DPP6: variants seen among roughly 807,000 people sequenced by gnomAD.
DPP6 encodes the protein A-type potassium channel modulatory protein DPP6.
Under a neutral mutation model 122.6 loss-of-function variants are expected in DPP6, and 69 were observed. The ratio of observed to expected loss-of-function variants is 0.56; its 90% CI spans 0.46 to 0.69. The LOEUF is 0.69. Ranked by LOEUF, DPP6 falls within the 30% of genes least tolerant of loss-of-function variation. DPP6 has a pLI of 0.00. For synonymous variants in DPP6, 418 were observed against 433.1 expected (o/e 0.97, Z 0.43); for missense variants, 928 against 1,116.9 (o/e 0.83, Z 2.41).
At chr7:154,802,797 A>G (rs1175074808) in intron 13 of DPP6, among the ~76,000 whole-genome samples, 6 of 150,612 alleles carry the variant, frequency 4.0e-5, no homozygotes, top group Non-Finnish European at 7.4e-5. Flanking sequence ...AGATCGTGCC[A>G]CTGCACTCCA....
the DPP6 span, among the ~76,000 whole-genome samples, chr7:153,854,354 T>C: frequency 6.6e-6 from 1 of 152,060 alleles, no homozygotes; most frequent in Non-Finnish European, 1.5e-5. Flanking sequence ...AAAGGGCTAA[T>C]ATCCAGAATC....
intron 1 of DPP6, among the ~76,000 whole-genome samples, chr7:154,012,133 A>G (rs1014023049): frequency 1.3e-5 from 2 of 152,224 alleles, no homozygotes; most frequent in Non-Finnish European, 2.9e-5. Context: ...CAAAGAAGAC[A>G]CTATTAGAGC....
At chr7:154,628,785 C>A (rs1835237227) in intron 5 of DPP6, among the ~76,000 whole-genome samples, 1 of 152,164 alleles carries the variant, frequency 6.6e-6, no homozygotes, top group South Asian at 2.1e-4. Context: ...AGCACAGCAG[C>A]TGCTACATCG....
intron 17 of DPP6, among the ~76,000 whole-genome samples, chr7:154,859,555 C>G (rs190810704): frequency 3.3e-5 from 5 of 152,368 alleles, no homozygotes; most frequent in East Asian, 3.9e-4. Context: ...TCCTCTCCCC[C>G]ACTGACCCCA....
intron 1 of DPP6, among the ~76,000 whole-genome samples, chr7:154,006,008 G>T (rs933839509): frequency 1.3e-5 from 2 of 152,150 alleles, no homozygotes; most frequent in African/African-American, 2.4e-5. Context: ...TGGAGTCTTG[G>T]TGAGGCTGTT....
intron 1 of DPP6, chr7:154,059,680 A>G (rs1056340006): frequency 6.7e-6 from 1 of 150,096 alleles, no homozygotes; most frequent in Admixed American, 6.6e-5. Flanking sequence ...TTCATGAGTT[A>G]CAAGAAAATC....
At chr7:154,396,698 C>A (rs1815117810) in intron 1 of DPP6, among the ~76,000 whole-genome samples, 1 of 152,238 alleles carries the variant, frequency 6.6e-6, no homozygotes, top group South Asian at 2.1e-4. Context: ...CAGTGGCTCA[C>A]TTTGGGAGGC....
At chr7:154,597,057 A>T (rs1237407732) in intron 5 of DPP6, among the ~76,000 whole-genome samples, 1 of 152,168 alleles carries the variant, frequency 6.6e-6, no homozygotes, top group Non-Finnish European at 1.5e-5. Flanking sequence ...TTTGAGGCAG[A>T]GGGAAGAACT....
chr7:154,066,612 A>G (rs1802747214), intron 1 of DPP6, among the ~76,000 whole-genome samples: 1 of 152,062 alleles, frequency 6.6e-6, no homozygotes, highest in Admixed American at 6.6e-5. Flanking sequence ...CAAGGGTGCT[A>G]GAGTTTGGCA....
chr7:154,465,403 A>G (rs1821695616), intron 2 of DPP6, among the ~76,000 whole-genome samples: 5 of 152,186 alleles, frequency 3.3e-5, no homozygotes, highest in Admixed American at 3.3e-4. Flanking sequence ...AAAAGAAACT[A>G]TCTTCAAGAG....
At chr7:154,476,521 C>T (rs985595295) in intron 3 of DPP6, among the ~76,000 whole-genome samples, 15 of 152,128 alleles carry the variant, frequency 9.9e-5, no homozygotes, top group South Asian at 4.1e-4. Context: ...GTGTTGGAGA[C>T]GTATCTATGA....
chr7:153,776,296 C>G, the DPP6 span, among the ~76,000 whole-genome samples: 31 of 152,086 alleles, frequency 2.0e-4, no homozygotes, highest in African/African-American at 7.5e-4. Flanking sequence ...GGAGGGACCT[C>G]GTGGGAGGTA....
intron 1 of DPP6, among the ~76,000 whole-genome samples, chr7:153,917,903 C>T (rs1800397053): frequency 6.6e-6 from 1 of 152,178 alleles, no homozygotes; most frequent in African/African-American, 2.4e-5. Flanking sequence ...GATTTGATCT[C>T]CTCAGTGTTA....
intron 1 of DPP6, among the ~76,000 whole-genome samples, chr7:154,408,752 TTC>T (rs1483173789): frequency 1.3e-5 from 2 of 151,420 alleles, no homozygotes; most frequent in Non-Finnish European, 2.9e-5. Context: ...CTATGACAGT[TTC>T]TCAGTCTTCC....
chr7:154,792,611 G>T (rs566436109), intron 10 of DPP6, among the ~76,000 whole-genome samples: 1 of 152,354 alleles, frequency 6.6e-6, no homozygotes, highest in Admixed American at 6.5e-5. Flanking sequence ...TGGAGAGCAG[G>T]GGGGAGGGCA....
intron 1 of DPP6, among the ~76,000 whole-genome samples, chr7:154,125,309 C>T (rs1311348183): frequency 1.3e-5 from 2 of 152,206 alleles, no homozygotes; most frequent in African/African-American, 2.4e-5. Flanking sequence ...CTTTCAGAGT[C>T]CTACCTGCTT....
chr7:153,759,862 G>GCAC, the DPP6 span, among the ~76,000 whole-genome samples: 3 of 151,874 alleles, frequency 2.0e-5, no homozygotes. Context: ...AAATCTGGGG[G>GCAC]CACTATTTCT....
chr7:154,640,192 G>T (rs1431891235), intron 6 of DPP6, among the ~76,000 whole-genome samples: 1 of 152,186 alleles, frequency 6.6e-6, no homozygotes, highest in Non-Finnish European at 1.5e-5. Context: ...GCTAGAGGTT[G>T]CAGTGAGCTG....
At chr7:154,815,070 G>A (rs1385216601) in intron 16 of DPP6, among the ~76,000 whole-genome samples, 1 of 152,164 alleles carries the variant, frequency 6.6e-6, no homozygotes, top group African/African-American at 2.4e-5. Context: ...TCTAAGGACT[G>A]CATTGCCTTC....
Sources: gnomAD v4.1 joint callset for allele counts (sites outside exome capture counted in the v4.1 genomes callset) on GRCh38, gnomAD v4.1.1 for gene constraint, MANE v1.5 for transcripts, NCBI Gene and HGNC (gene_info 2026-07-23, HGNC 2026-07-21) for gene names.